The following NUAK1 variants were observed in gnomAD, a reference collection of about 807,000 sequenced individuals.
NUAK1 encodes the protein NUAK family kinase 1.
Under a neutral mutation model 56.9 loss-of-function variants are expected in NUAK1, and 26 were observed. That is an observed-to-expected ratio of 0.46 (90% CI 0.33 to 0.63). The LOEUF is 0.63. Ranked by LOEUF, NUAK1 falls within the 30% of genes least tolerant of loss-of-function variation. The probability of loss-of-function intolerance (pLI) is 0.02; values close to 1 mark genes in which losing one functional copy is unlikely to be tolerated. For missense variants in NUAK1, 727 were observed against 876.1 expected (o/e 0.83, Z 2.15); for synonymous variants, 337 against 336.0 (o/e 1.00, Z -0.03).
At chr12:106,111,980 G>T (rs1215324929) in intron 1 of NUAK1, among the ~76,000 whole-genome samples, 1 of 151,022 alleles carries the variant, frequency 6.6e-6, no homozygotes, top group Non-Finnish European at 1.5e-5. Context: ...ATAAAGTTGG[G>T]ATGAATAGAA....
intron 4 of NUAK1, among the ~76,000 whole-genome samples, chr12:106,079,385 G>A (rs766227728): frequency 1.3e-5 from 2 of 151,994 alleles, no homozygotes; most frequent in Non-Finnish European, 2.9e-5. Flanking sequence ...AAGCTTTCTG[G>A]TCCATCCAGC....
At chr12:106,110,185 A>G (rs1429181312) in intron 1 of NUAK1, among the ~76,000 whole-genome samples, 1 of 152,146 alleles carries the variant, frequency 6.6e-6, no homozygotes, top group Non-Finnish European at 1.5e-5. Context: ...CCGCTCCCAC[A>G]CTGTCTCCTT....
At chr12:106,094,567 A>T (rs1298449933) in intron 2 of NUAK1, among the ~76,000 whole-genome samples, 2 of 152,204 alleles carry the variant, frequency 1.3e-5, no homozygotes. Flanking sequence ...TTAAACTGGC[A>T]TCTCCCTGTC....
chr12:106,137,061 AT>A (rs34470612), intron 1 of NUAK1, among the ~76,000 whole-genome samples: 60,373 of 151,936 alleles, frequency 0.4, 13,535 homozygotes, highest in South Asian at 0.52. Context: ...TTGATAACAG[AT>A]TTTTTTTTAA....
At chr12:106,112,982 C>T (rs1262188646) in intron 1 of NUAK1, among the ~76,000 whole-genome samples, 4 of 152,158 alleles carry the variant, frequency 2.6e-5, no homozygotes, top group Non-Finnish European at 4.4e-5. Flanking sequence ...GATTTCTCTC[C>T]TGCCATAAAA....
chr12:106,079,438 T>G (rs1452480916), intron 4 of NUAK1, among the ~76,000 whole-genome samples: 1 of 152,108 alleles, frequency 6.6e-6, no homozygotes, highest in East Asian at 1.9e-4. Flanking sequence ...CCAGAATACA[T>G]TACACAGGGC....
Position 106,138,821 on chromosome 12 carries a change from G to C in NUAK1, c.-168C>G, listed in dbSNP as rs1223863084. 2 of 951,386 alleles carry C rather than the reference G, an allele frequency of 2.1e-6. No homozygotes were observed. The highest frequency in any genetic ancestry group is 4.1e-5 in the Admixed American group (1 of 24,520). The allele number at this position is 951,386 out of a possible 1,614,324, so 58.9% of individuals were successfully genotyped here. A position where few individuals can be genotyped will look rare whatever the true frequency, so the allele number is the denominator to read the frequency against. On this transcript the variant is annotated 5_prime_UTR_variant, in exon 1 of 7. Transcript: ENST00000261402. This position sits in a 1 kb window ranked among gnomAD's most constrained non-coding sequence, Gnocchi z 5.0. ...CGGCTCGGTCACTGGCGGCGGCGGG[G>C]ACTGCACATCTGGCGCCCGCGGCGC...
intron 4 of NUAK1, among the ~76,000 whole-genome samples, chr12:106,075,518 G>A (rs1315348634): frequency 1.3e-5 from 2 of 152,130 alleles, no homozygotes; most frequent in African/African-American, 2.4e-5. Context: ...GTGTCATGGT[G>A]GAGATTAAAT....
chr12:106,086,439 T>G (rs2032571251), intron 3 of NUAK1, among the ~76,000 whole-genome samples: 1 of 152,190 alleles, frequency 6.6e-6, no homozygotes. Context: ...AGGAACTCTC[T>G]GTACTACCTT....
At chr12:106,098,014 C>T (rs1237680024) in intron 2 of NUAK1, among the ~76,000 whole-genome samples, 3 of 152,172 alleles carry the variant, frequency 2.0e-5, no homozygotes, top group Non-Finnish European at 4.4e-5. Flanking sequence ...CCCCTGGCCA[C>T]GAGCTGGGGG....
rs953800058 is a variant in NUAK1, at chr12:106,138,064, G to C, written c.240+350C>G. Among the ~76,000 whole-genome samples the C allele has an allele frequency of 5.9e-5, 9 of 152,158 alleles. No homozygotes were observed. Among genetic ancestry groups the C allele is most frequent in the African/African-American group, 1.9e-4 (8 of 41,420 alleles). On this transcript the variant is annotated intron_variant, in intron 1 of 6. Transcript: ENST00000261402. The surrounding 1 kb of genome is among the most constrained non-coding windows in gnomAD (Gnocchi z 5.0). ...GAGTTGTGGAAATAAGACGTTTCGG[G>C]GCATGGTCTAAATGAGTGCCTGCGA... is the stretch of plus-strand genomic sequence containing the variant.
intron 1 of NUAK1, among the ~76,000 whole-genome samples, chr12:106,128,314 A>G (rs1192733137): frequency 1.3e-5 from 2 of 151,982 alleles, no homozygotes; most frequent in Non-Finnish European, 2.9e-5. Context: ...TATTTTTAGT[A>G]GAGACAGGGT....
intron 2 of NUAK1, among the ~76,000 whole-genome samples, chr12:106,096,149 A>T (rs1163657468): frequency 3.3e-5 from 5 of 152,150 alleles, no homozygotes; most frequent in Non-Finnish European, 5.9e-5. Flanking sequence ...GTAAAGGGCA[A>T]TAGAGTCTTT....
At chr12:106,121,912 A>T (rs7134088) in intron 1 of NUAK1, among the ~76,000 whole-genome samples, 15,440 of 152,180 alleles carry the variant, frequency 0.1, 2,604 homozygotes, top group African/African-American at 0.35. Flanking sequence ...CTATGTAAAA[A>T]CTGAGTCACA....
At chr12:106,088,499 G>A (rs986525150) in intron 2 of NUAK1, among the ~76,000 whole-genome samples, 5 of 152,178 alleles carry the variant, frequency 3.3e-5, no homozygotes, top group Non-Finnish European at 7.3e-5. Flanking sequence ...TACATACCCA[G>A]GTCCTCTGCC....
intron 2 of NUAK1, among the ~76,000 whole-genome samples, chr12:106,089,202 A>G (rs2032608508): frequency 6.6e-6 from 1 of 152,258 alleles, no homozygotes; most frequent in African/African-American, 2.4e-5. Context: ...GGAGGGATGT[A>G]GGAAGAAGGA....
At chr12:106,071,157 G>T (rs2032402946) in intron 5 of NUAK1, among the ~76,000 whole-genome samples, 1 of 152,202 alleles carries the variant, frequency 6.6e-6, no homozygotes, top group African/African-American at 2.4e-5. Flanking sequence ...TTCTTAAACA[G>T]ATTATCTTCT....
intron 1 of NUAK1, among the ~76,000 whole-genome samples, chr12:106,120,611 T>C (rs1299128076): frequency 1.3e-5 from 2 of 152,122 alleles, no homozygotes; most frequent in Non-Finnish European, 2.9e-5. Context: ...TCCCTCCAAA[T>C]GTACTTCTGT....
At chr12:106,111,036 C>G (rs2032853399) in intron 1 of NUAK1, among the ~76,000 whole-genome samples, 1 of 152,120 alleles carries the variant, frequency 6.6e-6, no homozygotes, top group African/African-American at 2.4e-5. Flanking sequence ...CTGGGGGATG[C>G]AGAGTAGAAG....
Sources: gnomAD v4.1 joint callset for allele counts (sites outside exome capture counted in the v4.1 genomes callset) on GRCh38, gnomAD v4.1.1 for gene constraint, Gnocchi (gnomAD v3.1) non-coding constraint, MANE v1.5 for transcripts, NCBI Gene and HGNC (gene_info 2026-07-23, HGNC 2026-07-21) for gene names.